CASQ1: variants seen among roughly 807,000 people sequenced by gnomAD.
CASQ1 encodes calsequestrin-1.
CASQ1 carries 40 observed loss-of-function variants against 49.5 expected under a neutral mutation model. The observed-to-expected ratio is 0.81, with a 90% confidence interval of 0.63 to 1.05. CASQ1 has a LOEUF of 1.05. Among genes scored for constraint, CASQ1 ranks in the 50% least tolerant of loss-of-function variants. The pLI, the probability that CASQ1 is intolerant of heterozygous loss-of-function variation, is 0.00. For synonymous variants in CASQ1, 174 were observed against 187.2 expected, an observed-to-expected ratio of 0.93 and a Z score of 0.58; for missense variants, 469 against 486.9, an observed-to-expected ratio of 0.96 and a Z score of 0.35.
At chr1:160,194,796 A>G (rs1160853804) in intron 3 of CASQ1, among the ~76,000 whole-genome samples, 2 of 147,258 alleles carry the variant, frequency 1.4e-5, no homozygotes, top group African/African-American at 5.0e-5. Context: ...CACCATACAT[A>G]TATATCACAT....
Position 160,190,940 on chromosome 1 carries a change from G to C in CASQ1, c.189G>C (p.Lys63Asn). Residue 63 changes from lysine to asparagine, a missense_variant, in exon 1 of 11, where the codon AAG becomes AAC. Transcript: ENST00000368078. ...AGAACTACAAGAATGTGTTCAAGAA[G>C]TATGAGGTGCTGGCACTCCTCTACC... is the stretch of plus-strand genomic sequence containing the variant. ...NAKNYKNVFK[K>N]YEVLALLYHE... is the part of the protein sequence containing the mutation. The C allele has an allele frequency of 1.9e-6, 3 of 1,614,174 alleles. No homozygotes were observed. The highest frequency in any genetic ancestry group is 2.5e-6 in the Non-Finnish European group (3 of 1,180,020).
intron 3 of CASQ1, among the ~76,000 whole-genome samples, chr1:160,194,319 C>T (rs1305495933): frequency 2.1e-5 from 3 of 145,106 alleles, no homozygotes; most frequent in Non-Finnish European, 4.6e-5. Context: ...ACACGCCACA[C>T]ATGTACACAC....
At chr1:160,198,920 C>T (rs747257724) in intron 8 of CASQ1, 33 bp from the exon 9 acceptor site, 4 of 1,395,976 alleles carry the variant, frequency 2.9e-6, no homozygotes, top group East Asian at 2.3e-5. Flanking sequence ...CCTCTCTACA[C>T]ACCTCATACC....
At chr1:160,200,439 T>C (rs1654342408) in intron 10 of CASQ1, among the ~76,000 whole-genome samples, 1 of 149,246 alleles carries the variant, frequency 6.7e-6, no homozygotes, top group Non-Finnish European at 1.5e-5. Flanking sequence ...CTGATAAACT[T>C]TATAATAACG....
At chr1:160,192,584 A>G in intron 1 of CASQ1, 1 of 552,086 alleles carries the variant, frequency 1.8e-6, no homozygotes, top group Non-Finnish European at 3.3e-6. Flanking sequence ...TAATAAGCAC[A>G]TTGCAAATGA....
chr1:160,190,803 G>A lies in CASQ1; in HGVS notation c.52G>A (p.Ala18Thr), dbSNP rs751938512. ...CAGAGCTGTGCCGGGTCTGCGGCTG[G>A]CACTGCTGTTGCTGCTGGTGCTAGG... is the stretch of plus-strand genomic sequence containing the variant. ...GPRAVPGLRL[A>T]LLLLLVLGTP... Residue 18 changes from alanine to threonine, a missense_variant, in exon 1 of 11, where the codon GCA (alanine) becomes ACA (threonine). Ala to Thr is a moderately conservative substitution (Grantham distance 58, BLOSUM62 0). Coordinates refer to ENST00000368078, the MANE Select transcript of CASQ1 (RefSeq NM_001231.5). 3.7e-6 allele frequency: 6 copies of A among 1,614,208 alleles called. No individual in the cohort carries two copies. The highest frequency in any genetic ancestry group is 1.6e-4 in the Middle Eastern group (1 of 6,062).
At chr1:160,194,976 T>C in intron 3 of CASQ1, 36 bp from the exon 4 acceptor site, 1 of 1,336,844 alleles carries the variant, frequency 7.5e-7, no homozygotes, top group Non-Finnish European at 1.1e-6. Flanking sequence ...TACTTGAGGA[T>C]AGAAACTCTC....
At chr1:160,201,125 G>A (rs1654360943) in intron 10 of CASQ1, 120 bp from the exon 11 acceptor site, 2 of 1,051,790 alleles carry the variant, frequency 1.9e-6, no homozygotes, top group Non-Finnish European at 2.8e-6. Flanking sequence ...CTGGCCTTTG[G>A]CAGATGAAAG....
Position 160,193,847 on chromosome 1 carries a change from T to G in CASQ1, c.465T>G (p.Asp155Glu), listed in dbSNP as rs762819146. 8.7e-6 allele frequency: 14 copies of G among 1,606,900 alleles called. No individual in the cohort carries two copies. Among genetic ancestry groups the G allele is most frequent in the Non-Finnish European group, 1.1e-5 (13 of 1,173,952 alleles). ...ACACCATCGTGGAGTTTCTGCTTGA[T>G]GTAAGGACTCCCCTGGACCTGACGG... ...SADTIVEFLL[D>E]VLEDPVELIE... Residue 155 changes from aspartate to glutamate, a missense_variant and splice_region_variant, in exon 3 of 11, where the codon GAT becomes GAG. Coordinates refer to ENST00000368078, the MANE Select transcript of CASQ1 (RefSeq NM_001231.5).
intron 7 of CASQ1, 26 bp from the exon 8 acceptor site, chr1:160,198,651 C>A: frequency 6.3e-7 from 1 of 1,599,390 alleles, no homozygotes; most frequent in South Asian, 1.1e-5. Flanking sequence ...CTCCAAAACC[C>A]TGTTCTCCTT....
intron 2 of CASQ1, 85 bp from the exon 3 acceptor site, chr1:160,193,662 G>A (rs1654132594): frequency 1.2e-6 from 1 of 817,646 alleles, no homozygotes; most frequent in Admixed American, 2.4e-5. Flanking sequence ...CAAACGGGCT[G>A]TGGCCGAGGA....
rs776234620 is a variant in CASQ1, at chr1:160,195,564, G to A, written c.651+30G>A. On this transcript the variant is annotated intron_variant, in intron 5 of 10. Transcript: ENST00000368078. ...TCCTCCCCGCAGCTGTATTGGTTCT[G>A]CCTCATGTCCTGAAGCTGTCCTCCA... is the stretch of plus-strand genomic sequence containing the variant. The A allele has an allele frequency of 2.5e-6, 4 of 1,600,346 alleles. No individual in the cohort carries two copies. In the South Asian group the frequency reaches 4.4e-5, roughly 18 times the overall value.
chr1:160,199,624 G>T (rs1654323814), intron 9 of CASQ1, among the ~76,000 whole-genome samples: 2 of 152,090 alleles, frequency 1.3e-5, no homozygotes, highest in Non-Finnish European at 2.9e-5. Flanking sequence ...CAGAAAAGAG[G>T]GGCCAGTGCA....
intron 4 of CASQ1, 126 bp from the exon 5 acceptor site, chr1:160,195,335 C>G: frequency 1.1e-6 from 1 of 903,724 alleles, no homozygotes; most frequent in Non-Finnish European, 1.8e-6. Flanking sequence ...CCCTCACTCT[C>G]GAAGAACTAG....
chr1:160,194,901 CTG>C, intron 3 of CASQ1, 109 bp from the exon 4 acceptor site: 1 of 648,058 alleles, frequency 1.5e-6, no homozygotes, highest in South Asian at 1.9e-5. Context: ...CACCCACACA[CTG>C]TCAACATCTA....
At chr1:160,200,065 G>GA in intron 10 of CASQ1, 140 bp downstream of exon 10, 1 of 680,840 alleles carries the variant, frequency 1.5e-6, no homozygotes, top group East Asian at 2.7e-5. Context: ...GATGGAGGGG[G>GA]AGACTTAGGA....
At position 160,193,856 on chromosome 1, in the gene CASQ1, T is replaced by A; in HGVS notation, c.465+9T>A. On this transcript the variant is annotated intron_variant, in intron 3 of 10. Coordinates refer to ENST00000368078, the MANE Select transcript of CASQ1 (RefSeq NM_001231.5). Reference sequence around the variant, plus strand: ...TGGAGTTTCTGCTTGATGTAAGGACTCCCCTGGACCTGACGGCCTTGCTTG... The same window carrying A: ...TGGAGTTTCTGCTTGATGTAAGGACACCCCTGGACCTGACGGCCTTGCTTG... 1 of 1,598,716 alleles carries A rather than the reference T, an allele frequency of 6.3e-7. No homozygotes were observed. Among genetic ancestry groups the A allele is most frequent in the East Asian group, 2.2e-5 (1 of 44,794 alleles).
At chr1:160,191,271 A>T (rs1028939501) in intron 1 of CASQ1, among the ~76,000 whole-genome samples, 3 of 151,980 alleles carry the variant, frequency 2.0e-5, no homozygotes, top group Non-Finnish European at 4.4e-5. Flanking sequence ...CTGCAGGAAG[A>T]GCTCCCCTCC....
chr1:160,193,115 G>T (rs74337382), intron 2 of CASQ1, among the ~76,000 whole-genome samples: 3,234 of 152,234 alleles, frequency 0.021, 41 homozygotes, highest in Middle Eastern at 0.044. Flanking sequence ...AGAAAGAGGT[G>T]GGGGAGGCCT....
Sources: allele counts gnomAD v4.1 joint callset (sites outside exome capture counted in the v4.1 genomes callset), GRCh38; gene constraint gnomAD v4.1.1; transcripts MANE v1.5; gene names NCBI Gene and HGNC (gene_info 2026-07-23, HGNC 2026-07-21).